ARSA: variants seen among roughly 807,000 people sequenced by gnomAD.
ARSA encodes the protein arylsulfatase A.
A neutral mutation model predicts 37.8 loss-of-function variants in ARSA; 32 were observed. The ratio of observed to expected loss-of-function variants is 0.85; its 90% CI spans 0.64 to 1.14. ARSA has a LOEUF of 1.14. ARSA is among the 50% of genes most tolerant of loss of function. The probability of loss-of-function intolerance (pLI) is 0.00; values close to 1 mark genes in which losing one functional copy is unlikely to be tolerated. For synonymous variants in ARSA, 303 were observed against 303.4 expected, an observed-to-expected ratio of 1.00 and a Z score of 0.01; for missense variants, 685 against 686.3, an observed-to-expected ratio of 1.00 and a Z score of 0.02.
rs191548826 is a variant in ARSA at position 50,623,342 on chromosome 22, G to C, written c.*1803C>G. On this transcript the variant is annotated 3_prime_UTR_variant, in exon 8 of 8. Coordinates refer to ENST00000216124, the MANE Select transcript of ARSA (RefSeq NM_000487.6). ...TGGGGGGAAGGGGGTGTGGGTGGAG[G>C]CCTCAAGGGCAAACTGGGTCACTGT... The C allele has an allele frequency of 6.6e-6, 1 of 152,364 alleles. No individual in the cohort carries two copies. The highest frequency in any genetic ancestry group is 2.4e-5 in the African/African-American group (1 of 41,584). 9.4% of individuals were successfully genotyped at this position (152,364 alleles called of 1,614,324 possible).
rs180894081 is a variant in ARSA, at chr22:50,623,543, G to C, written c.*1602C>G. ...CAGCCTCGACCTAGTGGGCTGAAGTGATTCTCCCACCTCAACCTCCCAAAT... is the reference window on the plus strand; with the variant it reads ...CAGCCTCGACCTAGTGGGCTGAAGTCATTCTCCCACCTCAACCTCCCAAAT... On this transcript the variant is annotated 3_prime_UTR_variant, in exon 8 of 8. Transcript: ENST00000216124. Among the ~76,000 whole-genome samples the C allele has an allele frequency of 6.6e-6, 1 of 152,210 alleles. No individual in the cohort carries two copies. The highest frequency in any genetic ancestry group is 2.4e-5 in the African/African-American group (1 of 41,528).
At position 50,625,261 on chromosome 22, in the gene ARSA, C is replaced by T. The variant is rs2082643235; in HGVS notation, c.1414G>A (p.Val472Met). ...GCCACCTGGCTGGGGCCGAAGGTCA[C>T]AGCTGCGTCTAACTGGGCCTTGAGC... ...QLLKAQLDAAVTFGPSQVARG... is the reference protein window; with the variant it reads ...QLLKAQLDAAMTFGPSQVARG... Residue 472 changes from valine (V) to methionine (M), a missense_variant, in exon 8 of 8, where the codon GTG becomes ATG. Physicochemically the swap from Val to Met is conservative, Grantham distance 21 (BLOSUM62 1). Transcript: ENST00000216124. The T allele has an allele frequency of 1.2e-6, 2 of 1,612,472 alleles. No homozygotes were observed. The highest frequency in any genetic ancestry group is 2.2e-5 in the East Asian group (1 of 44,884).
In ARSA at chr22:50,627,243, C is replaced by T. The variant is rs1232520412; in HGVS notation, c.388G>A (p.Val130Met). 2.5e-6 allele frequency: 4 copies of T among 1,606,728 alleles called. No individual in the cohort carries two copies. The highest frequency in any genetic ancestry group is 2.5e-6 in the Non-Finnish European group (3 of 1,177,152). The change falls in exon 2 of 8, where the codon GTG becomes ATG. Residue 130 changes from valine (V) to methionine (M), a missense_variant. Physicochemically the swap from Val to Met is conservative, Grantham distance 21. Transcript: ENST00000216124. ...GGCAGGAAGGCCCCCTCAGGCCCCACCCCAAGGTGCCACTTGCCGGCCATT... is the reference window on the plus strand; with the variant it reads ...GGCAGGAAGGCCCCCTCAGGCCCCATCCCAAGGTGCCACTTGCCGGCCATT... ...TGMAGKWHLGVGPEGAFLPPH... is the reference protein window; with the variant it reads ...TGMAGKWHLGMGPEGAFLPPH...
Position 50,626,241 on chromosome 22 carries a change from C to T in ARSA, c.892G>A (p.Gly298Ser), listed in dbSNP as rs748876604. Residue 298 changes from glycine to serine, a missense_variant, in exon 5 of 8, where the codon GGT becomes AGT. By Grantham distance (56) the Gly-to-Ser change is moderately conservative. Coordinates refer to ENST00000216124, the MANE Select transcript of ARSA (RefSeq NM_000487.6). ...GTTCCCTTTCCACACCGCAAGAGACCGGAGCAGCCGCCTCGGGACATACGC... is the reference window on the plus strand; with the variant it reads ...GTTCCCTTTCCACACCGCAAGAGACTGGAGCAGCCGCCTCGGGACATACGC... Reference protein sequence around the residue: ...TMRMSRGGCSGLLRCGKGTTY... With the variant: ...TMRMSRGGCSSLLRCGKGTTY... 25 of 1,613,520 alleles carry T rather than the reference C, an allele frequency of 1.5e-5. No individual in the cohort carries two copies. The highest frequency in any genetic ancestry group is 6.6e-5 in the South Asian group (6 of 91,008).
In ARSA at chr22:50,628,134, C is replaced by A. The variant is rs886057661; in HGVS notation, c.-355G>T. The A allele has an allele frequency of 1.5e-5, 3 of 197,336 alleles. No individual in the cohort carries two copies. The highest frequency in any genetic ancestry group is 1.1e-4 in the Admixed American group (2 of 18,674). The allele number at this position is 197,336 out of a possible 1,614,324, so 12.2% of individuals were successfully genotyped here. ...GAGCCCAGGAGGAGCCGGTACCGGG[C>A]TGCGGGCGCTTCCGCCTCGGCCCCG... On this transcript the variant is annotated 5_prime_UTR_variant, in exon 1 of 8. Transcript: ENST00000216124.
chr22:50,627,484 G>T, intron 1 of ARSA, 72 bp downstream of exon 1: 2 of 1,589,942 alleles, frequency 1.3e-6, no homozygotes, highest in Non-Finnish European at 1.7e-6. Context: ...CGTTTTTCCC[G>T]CCCCCCTGCA....
rs763463230 is a variant in ARSA at position 50,627,151 on chromosome 22, C to T, written c.465+15G>A. ...GGGAGGTGGGAGGGTGGCTGAGGGC[C>T]CGGGTGGTTCCTACCTGGTCGTGGG... On this transcript the variant is annotated intron_variant, in intron 2 of 7. Coordinates refer to ENST00000216124, the MANE Select transcript of ARSA (RefSeq NM_000487.6). 1 of 1,603,028 alleles carries T rather than the reference C, an allele frequency of 6.2e-7. No homozygotes were observed. Among genetic ancestry groups the T allele is most frequent in the South Asian group, 1.1e-5 (1 of 90,534 alleles).
chr22:50,627,024 G>A lies in ARSA; in HGVS notation c.494C>T (p.Pro165Leu), dbSNP rs1407391133. ...GCCACCGTCGCAAGGAGTGGCCGGC[G>A]GGAAGCAGGTCAGGTTCTGGCAGGG... ...QGPCQNLTCF[P>L]PATPCDGGCD... The change falls in exon 3 of 8, where the codon CCG becomes CTG. Residue 165 changes from proline to leucine, a missense_variant. Coordinates refer to ENST00000216124, the MANE Select transcript of ARSA (RefSeq NM_000487.6). 1.9e-6 allele frequency: 3 copies of A among 1,609,544 alleles called. No individual in the cohort carries two copies. Among genetic ancestry groups the A allele is most frequent in the African/African-American group, 1.3e-5 (1 of 74,870 alleles).
intron 4 of ARSA, 145 bp from the exon 5 acceptor site, chr22:50,626,423 G>A (rs983380754): frequency 6.7e-7 from 1 of 1,491,332 alleles, no homozygotes; most frequent in Non-Finnish European, 9.1e-7. Context: ...ACCAAGACCA[G>A]CTCTCTGTGC....
At position 50,625,269 on chromosome 22, in the gene ARSA, T is replaced by C; in HGVS notation, c.1406A>G (p.Asp469Gly). Residue 469 changes from aspartate to glycine, a missense_variant, in exon 8 of 8, where the codon GAC becomes GGC. Asp to Gly is a moderately conservative substitution (Grantham distance 94, BLOSUM62 -1). Transcript: ENST00000216124. ...GCTGGGGCCGAAGGTCACAGCTGCG[T>C]CTAACTGGGCCTTGAGCAGCTGAAG... is the stretch of plus-strand genomic sequence containing the variant. ...KQLQLLKAQL[D>G]AAVTFGPSQV... The C allele has an allele frequency of 6.2e-7, 1 of 1,612,696 alleles. No homozygotes were observed. The highest frequency in any genetic ancestry group is 8.5e-7 in the Non-Finnish European group (1 of 1,179,774).
At chr22:50,626,514 C>T (rs908107193) in intron 4 of ARSA, 77 bp downstream of exon 4, 7 of 1,594,662 alleles carry the variant, frequency 4.4e-6, no homozygotes, top group African/African-American at 4.0e-5. Context: ...ATGTTCTTGG[C>T]AAGCAGCTGA....
intron 1 of ARSA, 25 bp downstream of exon 1, chr22:50,627,531 G>C: frequency 7.0e-6 from 11 of 1,564,198 alleles, no homozygotes; most frequent in Non-Finnish European, 9.5e-6. Flanking sequence ...GTCGGGGCGG[G>C]GAAGAGGCGC....
rs1368889930 is a variant in ARSA, at chr22:50,624,235, C to T, written c.*910G>A. Among the ~76,000 whole-genome samples, 3 of 152,060 alleles carry T rather than the reference C, an allele frequency of 2.0e-5. No individual in the cohort carries two copies. The highest frequency in any genetic ancestry group is 7.2e-5 in the African/African-American group (3 of 41,418). On this transcript the variant is annotated 3_prime_UTR_variant, in exon 8 of 8. Coordinates refer to ENST00000216124, the MANE Select transcript of ARSA (RefSeq NM_000487.6). ...TACAGGGATGCACCACTACACCTGGCTAATTTTGTATTTTTAGTAGAGATG... is the reference window on the plus strand; with the variant it reads ...TACAGGGATGCACCACTACACCTGGTTAATTTTGTATTTTTAGTAGAGATG...
rs1431093828 is a variant in ARSA, at chr22:50,627,716, G to T, written c.64C>A (p.Pro22Thr). Residue 22 changes from proline (P) to threonine (T), a missense_variant, in exon 1 of 8, where the codon CCG becomes ACG. By Grantham distance (38) the Pro-to-Thr change is conservative. Transcript: ENST00000216124. ...GCAAAGATCAGCACGATGTTGGGCG[G>T]ACGGGCAACGGCCAGGCCAGCAGCC... ...ALAAGLAVARPPNIVLIFADD... is the reference protein window; with the variant it reads ...ALAAGLAVARTPNIVLIFADD... 2 of 1,554,168 alleles carry T rather than the reference G, an allele frequency of 1.3e-6. No homozygotes were observed. Among genetic ancestry groups the T allele is most frequent in the East Asian group, 2.4e-5 (1 of 41,340 alleles).
At position 50,627,044 on chromosome 22, in the gene ARSA, G is replaced by T. The variant is rs768028181; in HGVS notation, c.474C>A (p.Cys158Ter). Residue 158 changes from cysteine to a stop codon, truncating the protein, a stop_gained, in exon 3 of 8, where the codon TGC (cysteine) becomes TGA (stop). Coordinates refer to ENST00000216124, the MANE Select transcript of ARSA (RefSeq NM_000487.6). LOFTEE classifies it high-confidence loss of function. Reference sequence around the variant, plus strand: ...CCGGCGGGAAGCAGGTCAGGTTCTGGCAGGGGCCCTGAGGCGGGCAGCTGC... The same window carrying T: ...CCGGCGGGAAGCAGGTCAGGTTCTGTCAGGGGCCCTGAGGCGGGCAGCTGC... ...GIPYSHDQGP[C>*]QNLTCFPPAT... is the part of the protein sequence containing the mutation. 5.6e-6 allele frequency: 9 copies of T among 1,606,742 alleles called. No homozygotes were observed. In the Admixed American group the frequency reaches 1.5e-4, roughly 27 times the overall value.
At chr22:50,627,527 G>A in intron 1 of ARSA, 29 bp downstream of exon 1, 1 of 1,566,210 alleles carries the variant, frequency 6.4e-7, no homozygotes, top group Non-Finnish European at 8.7e-7. Context: ...GAGGGTCGGG[G>A]CGGGGAAGAG....
intron 6 of ARSA, 73 bp downstream of exon 6, chr22:50,625,863 A>C: frequency 6.4e-7 from 1 of 1,550,926 alleles, no homozygotes; most frequent in Non-Finnish European, 8.7e-7. Flanking sequence ...ACTCTCAGGC[A>C]CTGCCCACAC....
Position 50,627,390 on chromosome 22 carries a change from C to G in ARSA, c.241G>C (p.Gly81Arg). The G allele has an allele frequency of 6.2e-7, 1 of 1,607,978 alleles. No homozygotes were observed. The highest frequency in any genetic ancestry group is 1.1e-5 in the South Asian group (1 of 90,524). Residue 81 changes from glycine (G) to arginine (R), a missense_variant, in exon 2 of 8, where the codon GGC (glycine) becomes CGC (arginine). Gly to Arg is a moderately radical substitution (Grantham distance 125, BLOSUM62 -2). Transcript: ENST00000216124. ...CTPSRAALLTGRLPVRMGMYP... is the reference protein window; with the variant it reads ...CTPSRAALLTRRLPVRMGMYP... ...ATGCCCATCCGAACCGGGAGCCGGCCGGTCAGGAGGGCGGCCCTGCGGGAC... is the reference window on the plus strand; with the variant it reads ...ATGCCCATCCGAACCGGGAGCCGGCGGGTCAGGAGGGCGGCCCTGCGGGAC...
Position 50,625,197 on chromosome 22 carries a change from G to A in ARSA, c.1478C>T (p.Pro493Leu). Residue 493 changes from proline to leucine, a missense_variant, in exon 8 of 8, where the codon CCT (proline) becomes CTT (leucine). Coordinates refer to ENST00000216124, the MANE Select transcript of ARSA (RefSeq NM_000487.6). ...GCAAGCTGGGCGGGGGGTGCAGCCAGGATGACAGCAGATCTGCAGGGCGGG... is the reference window on the plus strand; with the variant it reads ...GCAAGCTGGGCGGGGGGTGCAGCCAAGATGACAGCAGATCTGCAGGGCGGG... Reference protein sequence around the residue: ...EDPALQICCHPGCTPRPACCH... With the variant: ...EDPALQICCHLGCTPRPACCH... 6.2e-7 allele frequency: 1 copy of A among 1,604,246 alleles called. No individual in the cohort carries two copies. The highest frequency in any genetic ancestry group is 1.1e-5 in the South Asian group (1 of 90,264).
Sources: gnomAD v4.1 joint callset for allele counts (sites outside exome capture counted in the v4.1 genomes callset) on GRCh38, gnomAD v4.1.1 for gene constraint, MANE v1.5 for transcripts, NCBI Gene and HGNC (gene_info 2026-07-23, HGNC 2026-07-21) for gene names.